Variants in ROBO2 observed in about 807,000 individuals in gnomAD.
The protein encoded by ROBO2 is roundabout guidance receptor 2.
Under a neutral mutation model 160.8 loss-of-function variants are expected in ROBO2, and 53 were observed. The observed-to-expected ratio is 0.33, with a 90% confidence interval of 0.26 to 0.41. ROBO2 has a LOEUF of 0.41. Among genes scored for constraint, ROBO2 ranks in the 10% least tolerant of loss-of-function variants. The probability of loss-of-function intolerance (pLI) is 1.00; values close to 1 mark genes in which losing one functional copy is unlikely to be tolerated. For missense variants in ROBO2, 1,577 were observed against 1,722.4 expected (o/e 0.92, Z 1.49); for synonymous variants, 664 against 611.7 (o/e 1.09, Z -1.26).
At chr3:76,485,371 A>C (rs188228985) in intron 2 of ROBO2, among the ~76,000 whole-genome samples, 162 of 152,160 alleles carry the variant, frequency 1.1e-3, no homozygotes, top group Non-Finnish European at 1.7e-3. Context: ...TGCTGCCGCT[A>C]ATCTGACAGG....
intron 2 of ROBO2, among the ~76,000 whole-genome samples, chr3:77,342,257 G>A (rs2067146171): frequency 6.6e-6 from 1 of 152,068 alleles, no homozygotes; most frequent in African/African-American, 2.4e-5. Context: ...TACATAAGGA[G>A]ACCATGTTTT....
chr3:76,536,064 G>A (rs2108138651), intron 2 of ROBO2, among the ~76,000 whole-genome samples: 1 of 152,264 alleles, frequency 6.6e-6, no homozygotes, highest in South Asian at 2.1e-4. Context: ...AGGAATCATG[G>A]GCTGCGGGCA....
intron 2 of ROBO2, among the ~76,000 whole-genome samples, chr3:76,417,115 A>G (rs1007647576): frequency 1.3e-5 from 2 of 152,174 alleles, no homozygotes; most frequent in African/African-American, 4.8e-5. Flanking sequence ...GTTATTGTAG[A>G]TGGTAAAATC....
At chr3:77,553,395 G>T (rs2092993452) in intron 8 of ROBO2, among the ~76,000 whole-genome samples, 2 of 151,800 alleles carry the variant, frequency 1.3e-5, no homozygotes, top group Admixed American at 6.6e-5. Flanking sequence ...TTGGAATTAG[G>T]CCAGTCAGTA....
Position 75,911,747 on chromosome 3 carries a change from G to A in ROBO2, c.-14+4787G>A, listed in dbSNP as rs183372055. Among the ~76,000 whole-genome samples, 108 of 151,410 alleles carry A rather than the reference G, an allele frequency of 7.1e-4. 1 individual carries two copies. The East Asian group carries it at 0.018, about 25-fold the overall frequency. ...TAATTTTTGTATTTTTAGTAGAGAC[G>A]GGGTTTCACCGTGTTAGCCAGGATG... On this transcript the variant is annotated intron_variant, in intron 1 of 26. Coordinates refer to the ROBO2 transcript ENST00000487694.
intron 2 of ROBO2, among the ~76,000 whole-genome samples, chr3:77,318,615 C>T (rs1429781513): frequency 6.6e-6 from 1 of 152,126 alleles, no homozygotes; most frequent in Non-Finnish European, 1.5e-5. Context: ...ACTAGGACTC[C>T]ACCACTTGAG....
At chr3:76,174,496 G>T (rs932590588) in intron 2 of ROBO2, among the ~76,000 whole-genome samples, 1 of 152,070 alleles carries the variant, frequency 6.6e-6, no homozygotes, top group Non-Finnish European at 1.5e-5. Context: ...TATGGTTTTA[G>T]GTTTTATGTT....
At chr3:77,397,130 A>G (rs1369703661) in intron 2 of ROBO2, among the ~76,000 whole-genome samples, 1 of 152,080 alleles carries the variant, frequency 6.6e-6, no homozygotes, top group Non-Finnish European at 1.5e-5. Context: ...AAATAAGTCA[A>G]GTTTCTGGGG....
At chr3:76,414,510 G>A (rs1336335738) in intron 2 of ROBO2, among the ~76,000 whole-genome samples, 1 of 149,266 alleles carries the variant, frequency 6.7e-6, no homozygotes, top group Non-Finnish European at 1.5e-5. Flanking sequence ...GTAAACTATC[G>A]CAAGAAGAAA....
At chr3:76,087,381 A>G (rs1193996217) in intron 2 of ROBO2, among the ~76,000 whole-genome samples, 2 of 152,118 alleles carry the variant, frequency 1.3e-5, no homozygotes, top group African/African-American at 4.8e-5. Flanking sequence ...ATTTCTTGAT[A>G]GAAATAAAAA....
chr3:76,436,193 CT>C lies in ROBO2; in HGVS notation c.109+498600del, dbSNP rs200738328. Among the ~76,000 whole-genome samples the C allele has an allele frequency of 4.1e-3, 624 of 151,098 alleles. 6 individuals carry two copies. The highest frequency in any genetic ancestry group is 0.014 in the Middle Eastern group (4 of 294). ...ACACACACACACACCATTTCTTTTTCTTTTTTTTTATTTTTTTATTATTATA... is the reference window on the plus strand; with the variant it reads ...ACACACACACACACCATTTCTTTTTCTTTTTTTTATTTTTTTATTATTATA... On this transcript the variant is annotated intron_variant, in intron 2 of 26. Coordinates refer to the ROBO2 transcript ENST00000487694.
intron 2 of ROBO2, among the ~76,000 whole-genome samples, chr3:76,419,339 C>G (rs2075892189): frequency 6.6e-6 from 1 of 152,108 alleles, no homozygotes; most frequent in Non-Finnish European, 1.5e-5. Context: ...TCTGGACTCA[C>G]TTTTCAGCAT....
At chr3:77,491,012 G>GTCCT (rs2086038508) in intron 4 of ROBO2, among the ~76,000 whole-genome samples, 2 of 152,188 alleles carry the variant, frequency 1.3e-5, no homozygotes, top group African/African-American at 4.8e-5. Flanking sequence ...CTTGCTTAAA[G>GTCCT]TCCTTCAATA....
rs201068377 is a variant in ROBO2, at chr3:76,489,160, T to TG, written c.109+551558_109+551559insG. 3.7e-3 allele frequency among the ~76,000 whole-genome samples: 563 copies of TG among 150,466 alleles called. 6 individuals carry two copies. The highest frequency in any genetic ancestry group is 0.022 in the East Asian group (116 of 5,162). On this transcript the variant is annotated intron_variant, in intron 2 of 26. Transcript: ENST00000487694. ...GTACTGACTTCTTTTTTTTGTTTTT[T>TG]TTTTTGGCCTCTTTTAGGTTTTGTC...
chr3:77,151,412 C>T (rs189884153), intron 2 of ROBO2, among the ~76,000 whole-genome samples: 129 of 152,160 alleles, frequency 8.5e-4, no homozygotes, highest in Admixed American at 3.7e-3. Flanking sequence ...TTATTTAAGG[C>T]GAGGTAAATG....
intron 24 of ROBO2, among the ~76,000 whole-genome samples, chr3:77,637,316 G>A (rs1559779381): frequency 6.6e-6 from 1 of 152,178 alleles, no homozygotes; most frequent in Admixed American, 6.5e-5. Context: ...TTAGTTTGGG[G>A]AAGGGAGTAT....
At chr3:75,948,094 T>C (rs901646792) in intron 2 of ROBO2, among the ~76,000 whole-genome samples, 2 of 152,022 alleles carry the variant, frequency 1.3e-5, no homozygotes, top group African/African-American at 4.8e-5. Context: ...CAGGTAGCCT[T>C]GGCAAGGGCA....
At chr3:77,272,442 A>T (rs554932468) in intron 2 of ROBO2, among the ~76,000 whole-genome samples, 3 of 151,832 alleles carry the variant, frequency 2.0e-5, no homozygotes, top group Non-Finnish European at 2.9e-5. Flanking sequence ...CACCCTTTTA[A>T]CCAACCAGAT....
chr3:76,496,395 A>T (rs1400264067), intron 2 of ROBO2, among the ~76,000 whole-genome samples: 1 of 152,226 alleles, frequency 6.6e-6, no homozygotes, highest in Admixed American at 6.5e-5. Context: ...TCTAAATCTC[A>T]TCTAGAAAAA....
Sources: allele counts gnomAD v4.1 joint callset (sites outside exome capture counted in the v4.1 genomes callset), GRCh38; gene constraint gnomAD v4.1.1; transcripts MANE v1.5; gene names NCBI Gene and HGNC (gene_info 2026-07-23, HGNC 2026-07-21).